NSD2: variants seen among roughly 807,000 people sequenced by gnomAD.
NSD2 encodes histone-lysine N-methyltransferase NSD2.
NSD2 carries 12 observed loss-of-function variants against 139.0 expected under a neutral mutation model. The ratio of observed to expected loss-of-function variants is 0.09; its 90% CI spans 0.06 to 0.14. The LOEUF (loss-of-function observed/expected upper bound fraction) is 0.14, where lower values mean the gene tolerates loss of function less well. Among genes scored for constraint, NSD2 ranks in the 10% least tolerant of loss-of-function variants. NSD2 has a pLI of 1.00. For synonymous variants in NSD2, 669 were observed against 648.7 expected (o/e 1.03, Z -0.48); for missense variants, 1,155 against 1,745.0 (o/e 0.66, Z 6.02).
In NSD2 at chr4:1,979,934, C is replaced by A. The variant is rs548104599; in HGVS notation, c.*1025C>A. 9.9e-4 allele frequency: 231 copies of A among 232,650 alleles called. 1 individual carries two copies. Among genetic ancestry groups the A allele is most frequent in the African/African-American group, 4.6e-3 (207 of 45,414 alleles). 14.4% of individuals were successfully genotyped at this position (232,650 alleles called of 1,614,324 possible). On this transcript the variant is annotated 3_prime_UTR_variant, in exon 22 of 22. Coordinates refer to ENST00000508803, the MANE Select transcript of NSD2 (RefSeq NM_001042424.3). ...GGGAGCCCCGTAGGGCGCTGCAGGC[C>A]CCGGGGACCCCAGCACGTGGGTCTA...
chr4:1,955,061 A>G lies in NSD2; in HGVS notation c.2339-100A>G. 1 of 1,287,934 alleles carries G rather than the reference A, an allele frequency of 7.8e-7. No individual in the cohort carries two copies. The highest frequency in any genetic ancestry group is 1.1e-6 in the Non-Finnish European group (1 of 944,240). 79.8% of individuals were successfully genotyped at this position (1,287,934 alleles called of 1,614,324 possible). A position where few individuals can be genotyped will look rare whatever the true frequency, so the allele number is the denominator to read the frequency against. On this transcript the variant is annotated intron_variant, in intron 12 of 21. Transcript: ENST00000508803. This position sits in a 1 kb window ranked among gnomAD's most constrained non-coding sequence, Gnocchi z 4.7. ...ATACCTCCATTTCATTTTAGCATTA[A>G]CTTTTCAAATTCATGGAGGCTGAGT...
At chr4:1,872,633 A>AGAGAGAGAGAGAGAGAGC (rs1203166315) in intron 1 of NSD2, among the ~76,000 whole-genome samples, 13 of 131,106 alleles carry the variant, frequency 9.9e-5, no homozygotes, top group Admixed American at 4.7e-4. Context: ...AGAGAGAGAG[A>AGAGAGAGAGAGAGAGAGC]GAGCGCGCAG....
chr4:1,907,244 C>A (rs1246329134), intron 3 of NSD2, among the ~76,000 whole-genome samples: 1 of 152,164 alleles, frequency 6.6e-6, no homozygotes, highest in East Asian at 1.9e-4. Context: ...ATTATCCTCA[C>A]TTTTACTTTT....
chr4:1,930,598 C>A (rs772944380), intron 5 of NSD2, 28 bp from the exon 6 acceptor site: 4 of 1,574,828 alleles, frequency 2.5e-6, no homozygotes, highest in Non-Finnish European at 2.6e-6. Context: ...GATTTAACTT[C>A]TCATTGCACC....
intron 7 of NSD2, among the ~76,000 whole-genome samples, chr4:1,935,866 A>G (rs1722324556): frequency 6.6e-6 from 1 of 152,136 alleles, no homozygotes; most frequent in Admixed American, 6.5e-5. Context: ...GTCTCAAAAA[A>G]AAACAAACAA....
chr4:1,898,500 TA>T (rs1716687490), intron 1 of NSD2, among the ~76,000 whole-genome samples: 2 of 151,754 alleles, frequency 1.3e-5, no homozygotes, highest in Non-Finnish European at 2.9e-5. Flanking sequence ...CCGTCTCTAC[TA>T]AAAATACAAA....
intron 1 of NSD2, among the ~76,000 whole-genome samples, 167 bp downstream of exon 1, chr4:1,871,709 C>T (rs971382136): frequency 5.4e-5 from 8 of 148,280 alleles, no homozygotes; most frequent in African/African-American, 2.0e-4. Context: ...GGGGCCGGCT[C>T]AGGGGCTGGG....
At chr4:1,953,057 CTG>C (rs1724443860) in intron 11 of NSD2, 8 of 1,455,154 alleles carry the variant, frequency 5.5e-6, no homozygotes, top group Non-Finnish European at 7.2e-6. Context: ...GCCAGTTAGA[CTG>C]GGCCTCCCCA....
intron 4 of NSD2, 104 bp from the exon 5 acceptor site, chr4:1,918,037 C>T (rs1719632760): frequency 7.2e-7 from 1 of 1,393,394 alleles, no homozygotes; most frequent in African/African-American, 1.4e-5. Flanking sequence ...TGCCTTGACA[C>T]CCATAAGTGC....
At chr4:1,882,192 G>A (rs758200373) in intron 1 of NSD2, among the ~76,000 whole-genome samples, 1 of 152,148 alleles carries the variant, frequency 6.6e-6, no homozygotes, top group Non-Finnish European at 1.5e-5. Context: ...CCTGCTTTGG[G>A]TCCCTGATTG....
chr4:1,888,616 G>T (rs1330718916), intron 1 of NSD2, among the ~76,000 whole-genome samples: 1 of 151,754 alleles, frequency 6.6e-6, no homozygotes, highest in Non-Finnish European at 1.5e-5. Flanking sequence ...ACCCAGGCTG[G>T]ATTGCAGTGG....
At chr4:1,927,663 G>C (rs1360681955) in intron 5 of NSD2, among the ~76,000 whole-genome samples, 1 of 138,134 alleles carries the variant, frequency 7.2e-6, no homozygotes, top group East Asian at 2.3e-4. Context: ...AGGTTGCAGT[G>C]AGCTGAGATC....
At chr4:1,964,195 C>T (rs1725646516) in intron 18 of NSD2, among the ~76,000 whole-genome samples, 6 of 152,072 alleles carry the variant, frequency 3.9e-5, no homozygotes, top group Admixed American at 3.9e-4. Flanking sequence ...GCTTTAGACG[C>T]CACAAGAAAA....
In NSD2 at chr4:1,872,591, T is replaced by TGTGTGTGTGAGA. The variant is rs1281608141; in HGVS notation, c.-30+1050_-30+1051insTGTGTGTGAGAG. On this transcript the variant is annotated intron_variant, in intron 1 of 21. Coordinates refer to ENST00000508803, the MANE Select transcript of NSD2 (RefSeq NM_001042424.3). ...GTGTGTGTGTGTGTGTGTGTGTGTGTGAGAGAGAGAGAGAGAGAGAGAGAG... is the reference window on the plus strand; with the variant it reads ...GTGTGTGTGTGTGTGTGTGTGTGTGTGTGTGTGTGAGAGAGAGAGAGAGAGAGAGAGAGAGAG... 5.8e-4 allele frequency among the ~76,000 whole-genome samples: 26 copies of TGTGTGTGTGAGA among 44,890 alleles called. 2 individuals carry two copies. The Admixed American group carries it at 5.9e-3, about 10-fold the overall frequency. 29.4% of individuals were successfully genotyped at this position (44,890 alleles called of 152,430 possible).
chr4:1,904,076 T>TGTG, intron 2 of NSD2, 140 bp from the exon 3 acceptor site: 1 of 975,960 alleles, frequency 1.0e-6, no homozygotes. Context: ...GGCTATCATC[T>TGTG]AAAACACAGC....
intron 18 of NSD2, among the ~76,000 whole-genome samples, chr4:1,965,051 CAAAAAAAA>C (rs555374240): frequency 2.5e-4 from 12 of 47,154 alleles, no homozygotes; most frequent in African/African-American, 6.1e-4. Flanking sequence ...CAGTGTTCAG[CAAAAAAAA>C]AAAAAAAAAA....
chr4:1,914,195 G>C (rs1402332713), intron 3 of NSD2, among the ~76,000 whole-genome samples: 1 of 151,674 alleles, frequency 6.6e-6, no homozygotes, highest in Non-Finnish European at 1.5e-5. Flanking sequence ...GCTCATTTTT[G>C]TATTTTTAGT....
rs1553856500 is a variant in NSD2 at position 1,872,635 on chromosome 4, A to AGC, written c.-30+1098_-30+1099dup. Among the ~76,000 whole-genome samples, 162 of 120,168 alleles carry AGC rather than the reference A, an allele frequency of 1.3e-3. 4 individuals carry two copies. The highest frequency in any genetic ancestry group is 1.8e-3 in the African/African-American group (63 of 34,520). 78.8% of individuals were successfully genotyped at this position (120,168 alleles called of 152,430 possible). A position where few individuals can be genotyped will look rare whatever the true frequency, so the allele number is the denominator to read the frequency against. On this transcript the variant is annotated intron_variant, in intron 1 of 21. Transcript: ENST00000508803. ...GAGAGAGAGAGAGAGAGAGAGAGAG[A>AGC]GCGCGCAGACCCTGTGAAGACAAGA... is the stretch of plus-strand genomic sequence containing the variant.
rs1334619282 is a variant in NSD2, at chr4:1,980,197, TTA to T, written c.*1289_*1290del. On this transcript the variant is annotated 3_prime_UTR_variant, in exon 22 of 22. Transcript: ENST00000508803. ...ACCCACTCTCCTGTGAGATTTCACT[TTA>T]GTTTTTAAAAGGTCCAGTTCTACAG... 3 of 233,142 alleles carry T rather than the reference TTA, an allele frequency of 1.3e-5. No individual in the cohort carries two copies. The highest frequency in any genetic ancestry group is 4.4e-5 in the African/African-American group (2 of 45,360). 14.4% of individuals were successfully genotyped at this position (233,142 alleles called of 1,614,324 possible).
Sources: gnomAD v4.1 joint callset for allele counts (sites outside exome capture counted in the v4.1 genomes callset) on GRCh38, gnomAD v4.1.1 for gene constraint, Gnocchi (gnomAD v3.1) non-coding constraint, MANE v1.5 for transcripts, NCBI Gene and HGNC (gene_info 2026-07-23, HGNC 2026-07-21) for gene names.